The following DNAH5 variants were observed in gnomAD, a reference collection of about 807,000 sequenced individuals.
The protein encoded by DNAH5 is axonemal beta dynein heavy chain 5.
DNAH5 carries 372 observed loss-of-function variants against 518.2 expected under a neutral mutation model. The ratio of observed to expected loss-of-function variants is 0.72; its 90% CI spans 0.66 to 0.78. The LOEUF is 0.78. Ranked by LOEUF, DNAH5 falls within the 30% of genes least tolerant of loss-of-function variation. The pLI is 0.00. For synonymous variants in DNAH5, 2,039 were observed against 2,025.9 expected, an observed-to-expected ratio of 1.01 and a Z score of -0.17; for missense variants, 5,523 against 5,687.0, an observed-to-expected ratio of 0.97 and a Z score of 0.93.
chr5:13,862,843 T>TAC, intron 28 of DNAH5, 96 bp from the exon 29 acceptor site: 2 of 374,062 alleles, frequency 5.3e-6, no homozygotes, highest in Non-Finnish European at 8.7e-6. Flanking sequence ...ATTTGCTTCA[T>TAC]ATATATATAA....
intron 38 of DNAH5, among the ~76,000 whole-genome samples, chr5:13,826,093 C>T (rs909070193): frequency 6.6e-6 from 1 of 152,128 alleles, no homozygotes; most frequent in South Asian, 2.1e-4. Flanking sequence ...GGTGAGTAAA[C>T]TTAATCATGG....
chr5:13,930,249 A>C (rs145492240), intron 2 of DNAH5, among the ~76,000 whole-genome samples: 1 of 152,166 alleles, frequency 6.6e-6, no homozygotes, highest in Admixed American at 6.6e-5. Context: ...TATCCAATGG[A>C]TCATAACTCT....
At chr5:13,763,487 G>A (rs1752055006) in intron 59 of DNAH5, among the ~76,000 whole-genome samples, 3 of 152,140 alleles carry the variant, frequency 2.0e-5, no homozygotes, top group Admixed American at 2.0e-4. Context: ...TTATCTTCTG[G>A]TGGGATAAAA....
rs1457752082 is a variant in DNAH5 at position 13,829,687 on chromosome 5, T to G, written c.6267A>C (p.Gly2089=). ...LFLTMNPGYA[G]RQELPENLKI... Reference sequence around the variant, plus strand: ...TCAAGTTTTCAGGGAGTTCCTGCCGTCCGGCATAGCCAGGATTCTAAACAG... The same window carrying G: ...TCAAGTTTTCAGGGAGTTCCTGCCGGCCGGCATAGCCAGGATTCTAAACAG... Residue 2089 remains glycine (G), a synonymous_variant, in exon 38 of 79, where the codon GGA becomes GGC. Transcript: ENST00000265104. The G allele has an allele frequency of 6.2e-7, 1 of 1,614,098 alleles. No individual in the cohort carries two copies. The highest frequency in any genetic ancestry group is 8.5e-7 in the Non-Finnish European group (1 of 1,179,990).
Position 13,762,877 on chromosome 5 carries a change from CATTG to C in DNAH5, c.10122_10125del (p.Ile3374MetfsTer4). ...GGACTCAAAAATTCTATCACCTCTT[CATTG>C]ATTGTGTCTTTTGGGAATTGCTATG... On this transcript the variant is annotated frameshift_variant, in exon 60 of 79. Transcript: ENST00000265104. LOFTEE classifies it high-confidence loss of function. 6.2e-7 allele frequency: 1 copy of C among 1,613,876 alleles called. No homozygotes were observed. The highest frequency in any genetic ancestry group is 1.1e-5 in the South Asian group (1 of 91,068).
chr5:13,801,409 C>G (rs981927127), intron 47 of DNAH5, among the ~76,000 whole-genome samples: 9 of 152,340 alleles, frequency 5.9e-5, no homozygotes, highest in Admixed American at 3.9e-4. Context: ...AATTAAACCT[C>G]TTTTCTTTAT....
intron 74 of DNAH5, 99 bp from the exon 75 acceptor site, chr5:13,714,719 A>G: frequency 8.7e-7 from 1 of 1,144,836 alleles, no homozygotes; most frequent in Non-Finnish European, 1.3e-6. Flanking sequence ...GAGGGTATGC[A>G]TTTACTTAAG....
chr5:13,846,779 T>G (rs1766067650), intron 31 of DNAH5, among the ~76,000 whole-genome samples: 1 of 152,182 alleles, frequency 6.6e-6, no homozygotes, highest in Admixed American at 6.5e-5. Context: ...GCGATGGGAT[T>G]TGTTCACTTT....
intron 15 of DNAH5, chr5:13,896,665 T>A (rs1200655090): frequency 6.6e-6 from 1 of 152,216 alleles, no homozygotes; most frequent in Non-Finnish European, 1.5e-5. Flanking sequence ...ACATAGGAGA[T>A]AATAAATCAA....
At chr5:13,999,492 C>T (rs756858626) in intron 1 of DNAH5, among the ~76,000 whole-genome samples, 33 of 152,214 alleles carry the variant, frequency 2.2e-4, no homozygotes, top group Admixed American at 8.5e-4. Context: ...TTAACATAAC[C>T]TCTTCAAGGT....
intron 38 of DNAH5, among the ~76,000 whole-genome samples, chr5:13,826,080 G>C (rs112007403): frequency 1.4e-3 from 220 of 152,358 alleles, no homozygotes; most frequent in African/African-American, 4.9e-3. Context: ...ACTTAAAAGT[G>C]TTGGTGAGTA....
chr5:13,848,266 C>T (rs1446584522), intron 31 of DNAH5, among the ~76,000 whole-genome samples: 1 of 152,158 alleles, frequency 6.6e-6, no homozygotes, highest in Non-Finnish European at 1.5e-5. Flanking sequence ...AATGGTTTTG[C>T]TTTAAAGTAA....
intron 30 of DNAH5, among the ~76,000 whole-genome samples, chr5:13,856,989 A>T (rs1309141005): frequency 6.6e-6 from 1 of 152,230 alleles, no homozygotes; most frequent in Admixed American, 6.5e-5. Context: ...CCTATCCAAC[A>T]TAGTATTGGT....
chr5:13,731,140 G>A (rs755318139), intron 68 of DNAH5, among the ~76,000 whole-genome samples: 2 of 152,172 alleles, frequency 1.3e-5, no homozygotes, highest in Non-Finnish European at 2.9e-5. Context: ...CAGGCACCAT[G>A]TACACTACTA....
chr5:13,917,158 C>T lies in DNAH5; in HGVS notation c.1074G>A (p.Leu358=), dbSNP rs1176863097. The T allele has an allele frequency of 5.0e-6, 8 of 1,613,504 alleles. No homozygotes were observed. Among genetic ancestry groups the T allele is most frequent in the Non-Finnish European group, 6.8e-6 (8 of 1,179,556 alleles). The change falls in exon 8 of 79, where the codon TTG becomes TTA. Residue 358 remains leucine, a synonymous_variant. Coordinates refer to ENST00000265104, the MANE Select transcript of DNAH5 (RefSeq NM_001369.3). ...CTTAACTCACGGGATCACTGCTGTA[C>T]AAAGGGTCACAACATTTTTCAAGTG... is the stretch of plus-strand genomic sequence containing the variant. ...LYTLEKCCDP[L]YSSDPLSMMD... is the part of the protein sequence containing the mutation.
chr5:13,921,130 T>G (rs1580896133), intron 5 of DNAH5, among the ~76,000 whole-genome samples: 2 of 152,180 alleles, frequency 1.3e-5, no homozygotes, highest in South Asian at 4.1e-4. Flanking sequence ...ACAATTTTAT[T>G]TGGTCCAACC....
chr5:13,776,720 A>G lies in DNAH5; in HGVS notation c.9106-14T>C, dbSNP rs1380879856. On this transcript the variant is annotated splice_polypyrimidine_tract_variant and intron_variant, in intron 54 of 78. Transcript: ENST00000265104. ...TAGGTTAGAGACCTTAAAAAGAAGT[A>G]CAGGCATGCAAATTCAGTACACACA... is the stretch of plus-strand genomic sequence containing the variant. The G allele has an allele frequency of 2.5e-6, 4 of 1,613,340 alleles. No individual in the cohort carries two copies. The highest frequency in any genetic ancestry group is 1.7e-5 in the Admixed American group (1 of 59,968).
chr5:14,000,969 A>G (rs902245145), intron 1 of DNAH5, among the ~76,000 whole-genome samples: 1 of 152,240 alleles, frequency 6.6e-6, no homozygotes, highest in Non-Finnish European at 1.5e-5. Flanking sequence ...AGCCATTAAA[A>G]AGAATGAAAT....
Position 13,824,346 on chromosome 5 carries a change from A to T in DNAH5, c.6445-13T>A, listed in dbSNP as rs1762622475. 1 of 1,613,772 alleles carries T rather than the reference A, an allele frequency of 6.2e-7. No homozygotes were observed. ...AGTCATAATGAACCTAGAGAATGTG[A>T]GATACATTGGGCTTATTTTCAACAT... On this transcript the variant is annotated splice_polypyrimidine_tract_variant and intron_variant, in intron 38 of 78. Transcript: ENST00000265104.
Sources: allele counts gnomAD v4.1 joint callset (sites outside exome capture counted in the v4.1 genomes callset), GRCh38; gene constraint gnomAD v4.1.1; transcripts MANE v1.5; gene names NCBI Gene and HGNC (gene_info 2026-07-23, HGNC 2026-07-21).